Variants in ABCC4 observed in about 807,000 individuals in gnomAD.
The protein encoded by ABCC4 is ATP-binding cassette sub-family C member 4.
ABCC4 carries 102 observed loss-of-function variants against 168.5 expected under a neutral mutation model. That is an observed-to-expected ratio of 0.61 (90% CI 0.52 to 0.71). ABCC4 has a LOEUF of 0.71. ABCC4 is among the 30% of genes least tolerant of loss of function. The pLI, the probability that ABCC4 is intolerant of heterozygous loss-of-function variation, is 0.00. For synonymous variants in ABCC4, 617 were observed against 590.7 expected, an observed-to-expected ratio of 1.04 and a Z score of -0.65; for missense variants, 1,402 against 1,605.8, an observed-to-expected ratio of 0.87 and a Z score of 2.17.
At chr13:95,285,307 T>C (rs2041232772) in intron 1 of ABCC4, among the ~76,000 whole-genome samples, 1 of 151,518 alleles carries the variant, frequency 6.6e-6, no homozygotes, top group Non-Finnish European at 1.5e-5. Flanking sequence ...TCCCAGCACA[T>C]TGGGAGGCTG....
chr13:95,049,406 C>T (rs1193496028), intron 27 of ABCC4, among the ~76,000 whole-genome samples: 2 of 151,970 alleles, frequency 1.3e-5, no homozygotes, highest in Non-Finnish European at 2.9e-5. Context: ...CTTTGGGAGG[C>T]TGAAGCAGGT....
At chr13:95,271,839 G>A (rs1346550676) in intron 1 of ABCC4, among the ~76,000 whole-genome samples, 2 of 152,220 alleles carry the variant, frequency 1.3e-5, no homozygotes, top group East Asian at 3.9e-4. Flanking sequence ...CAACAGCCTG[G>A]AAAACAGACG....
chr13:95,292,412 G>C (rs1330379330), intron 1 of ABCC4, among the ~76,000 whole-genome samples: 1 of 152,118 alleles, frequency 6.6e-6, no homozygotes, highest in Non-Finnish European at 1.5e-5. Flanking sequence ...TGAATACTAT[G>C]AGGCGAGCAT....
intron 1 of ABCC4, among the ~76,000 whole-genome samples, chr13:95,284,585 C>G (rs568722055): frequency 6.6e-6 from 1 of 152,336 alleles, no homozygotes; most frequent in East Asian, 1.9e-4. Context: ...AGCAGCTACA[C>G]AGATGACACG....
chr13:95,143,707 A>G (rs1386258742), intron 19 of ABCC4, among the ~76,000 whole-genome samples: 7 of 152,226 alleles, frequency 4.6e-5, no homozygotes, highest in Non-Finnish European at 1.5e-5. Context: ...TACAAATTTC[A>G]GAGCTAGCAC....
In ABCC4 at chr13:95,286,123, C is replaced by CTTTTTTT. The variant is rs773328777; in HGVS notation, c.74+15111_74+15117dup. Among the ~76,000 whole-genome samples, 12 of 105,558 alleles carry CTTTTTTT rather than the reference C, an allele frequency of 1.1e-4. No homozygotes were observed. The South Asian group carries it at 1.5e-3, about 13-fold the overall frequency. 69.3% of individuals were successfully genotyped at this position (105,558 alleles called of 152,430 possible). A position where few individuals can be genotyped will look rare whatever the true frequency, so the allele number is the denominator to read the frequency against. On this transcript the variant is annotated intron_variant, in intron 1 of 30. Coordinates refer to ENST00000645237, the MANE Select transcript of ABCC4 (RefSeq NM_005845.5). Reference sequence around the variant, plus strand: ...GCTGTGAAACTGCTTTCCAGAAAAACTTTTTTTTTTTTTTGAGACGGAGTC... The same window carrying CTTTTTTT: ...GCTGTGAAACTGCTTTCCAGAAAAACTTTTTTTTTTTTTTTTTTTTTGAGACGGAGTC...
chr13:95,180,119 C>A (rs1470846402), intron 11 of ABCC4, among the ~76,000 whole-genome samples: 1 of 152,184 alleles, frequency 6.6e-6, no homozygotes, highest in African/African-American at 2.4e-5. Flanking sequence ...CTAAGACACA[C>A]AGGAGTCCCC....
intron 1 of ABCC4, among the ~76,000 whole-genome samples, chr13:95,272,732 C>T (rs2040875629): frequency 6.6e-6 from 1 of 151,768 alleles, no homozygotes; most frequent in South Asian, 2.1e-4. Context: ...TACTAAAAAT[C>T]CAAAAATTAG....
At chr13:95,044,201 T>C in intron 28 of ABCC4, 65 bp downstream of exon 28, 1 of 1,407,128 alleles carries the variant, frequency 7.1e-7, no homozygotes, top group East Asian at 2.5e-5. Context: ...CTCAGAATCA[T>C]TCCATGTTTC....
chr13:95,112,674 A>C (rs1166596161), intron 20 of ABCC4, among the ~76,000 whole-genome samples: 7 of 152,178 alleles, frequency 4.6e-5, no homozygotes, highest in Admixed American at 4.6e-4. Flanking sequence ...CTTGACAAAG[A>C]AATTTCCAGT....
chr13:95,163,267 A>G (rs1295492440), intron 17 of ABCC4, 51 bp from the exon 18 acceptor site: 3 of 1,268,616 alleles, frequency 2.4e-6, no homozygotes, highest in Non-Finnish European at 2.2e-6. Context: ...AAATTTAGAT[A>G]AATACATTTT....
chr13:95,272,320 G>A (rs1423245605), intron 1 of ABCC4, among the ~76,000 whole-genome samples: 1 of 152,052 alleles, frequency 6.6e-6, no homozygotes, highest in Non-Finnish European at 1.5e-5. Context: ...GATTACAGGT[G>A]TGAGCCAACA....
At position 95,163,549 on chromosome 13, in the gene ABCC4, G is replaced by A. The variant is rs2037167029; in HGVS notation, c.2213+61C>T. 4 of 1,448,876 alleles carry A rather than the reference G, an allele frequency of 2.8e-6. No homozygotes were observed. The Admixed American group carries it at 6.9e-5, about 25-fold the overall frequency. The allele number at this position is 1,448,876 out of a possible 1,614,324, so 89.8% of individuals were successfully genotyped here. A position where few individuals can be genotyped will look rare whatever the true frequency, so the allele number is the denominator to read the frequency against. ...ACAAACACCTCCCTCTAACTCTATGGAAAAGCGAGTCTTCTTACTGATTTT... is the reference window on the plus strand; with the variant it reads ...ACAAACACCTCCCTCTAACTCTATGAAAAAGCGAGTCTTCTTACTGATTTT... On this transcript the variant is annotated intron_variant, in intron 17 of 30. Coordinates refer to ENST00000645237, the MANE Select transcript of ABCC4 (RefSeq NM_005845.5).
chr13:95,094,714 T>G (rs2034536121), intron 20 of ABCC4, among the ~76,000 whole-genome samples: 1 of 152,146 alleles, frequency 6.6e-6, no homozygotes, highest in Non-Finnish European at 1.5e-5. Context: ...AAAAGGCACA[T>G]TCAGCAGAGT....
intron 4 of ABCC4, among the ~76,000 whole-genome samples, chr13:95,214,930 C>T (rs534649841): frequency 5.6e-4 from 83 of 148,822 alleles, no homozygotes; most frequent in African/African-American, 1.9e-3. Flanking sequence ...ATTCTATCAC[C>T]AACACAAAAT....
chr13:95,196,733 A>AAGGG (rs1178149070), intron 8 of ABCC4, among the ~76,000 whole-genome samples: 3 of 78,944 alleles, frequency 3.8e-5, no homozygotes, highest in Admixed American at 2.3e-4. Flanking sequence ...AGGAAGGAAG[A>AAGGG]AGGGAGGGAG....
At chr13:95,279,973 TA>T (rs1237012860) in intron 1 of ABCC4, among the ~76,000 whole-genome samples, 3 of 152,122 alleles carry the variant, frequency 2.0e-5, no homozygotes, top group Admixed American at 1.3e-4. Context: ...TGTCGGTCCT[TA>T]AATGCCAAGG....
chr13:95,096,194 A>C (rs2139361170), intron 20 of ABCC4: 1 of 647,336 alleles, frequency 1.5e-6, no homozygotes, highest in Non-Finnish European at 2.8e-6. Context: ...GAAAGAAAAA[A>C]AAAAACATAT....
At chr13:95,200,944 CAAT>C (rs760779107) in intron 8 of ABCC4, among the ~76,000 whole-genome samples, 12 of 152,168 alleles carry the variant, frequency 7.9e-5, no homozygotes, top group Non-Finnish European at 1.6e-4. Flanking sequence ...AAACCTCCAA[CAAT>C]GACTTCAACA....
Sources: allele counts gnomAD v4.1 joint callset (sites outside exome capture counted in the v4.1 genomes callset), GRCh38; gene constraint gnomAD v4.1.1; transcripts MANE v1.5; gene names NCBI Gene and HGNC (gene_info 2026-07-23, HGNC 2026-07-21).